The following NDUFV2 variants were observed in gnomAD, a reference collection of about 807,000 sequenced individuals.
The protein encoded by NDUFV2 is NADH dehydrogenase [ubiquinone] flavoprotein 2, mitochondrial.
A neutral mutation model predicts 31.6 loss-of-function variants in NDUFV2; 18 were observed. The ratio of observed to expected loss-of-function variants is 0.57; its 90% CI spans 0.39 to 0.84. The LOEUF is 0.84. Ranked by LOEUF, NDUFV2 falls within the 40% of genes least tolerant of loss-of-function variation. NDUFV2 has a pLI of 0.00. For synonymous variants in NDUFV2, 83 were observed against 99.8 expected, an observed-to-expected ratio of 0.83 and a Z score of 1.01; for missense variants, 314 against 303.6, an observed-to-expected ratio of 1.03 and a Z score of -0.26.
At chr18:9,115,000 G>A (rs1331130213) in intron 1 of NDUFV2, among the ~76,000 whole-genome samples, 1 of 152,168 alleles carries the variant, frequency 6.6e-6, no homozygotes, top group Non-Finnish European at 1.5e-5. Context: ...CAAAATGGAA[G>A]CTATTTTAAT....
chr18:9,109,858 G>C (rs2077861188), intron 1 of NDUFV2, among the ~76,000 whole-genome samples: 1 of 152,148 alleles, frequency 6.6e-6, no homozygotes, highest in Non-Finnish European at 1.5e-5. Context: ...GGCAGTCACT[G>C]TTTTGGCCTG....
chr18:9,105,404 T>G (rs567932195), intron 1 of NDUFV2, among the ~76,000 whole-genome samples: 2 of 152,338 alleles, frequency 1.3e-5, no homozygotes, highest in Non-Finnish European at 2.9e-5. Flanking sequence ...TTCTGTAAAC[T>G]GAGATAATAC....
chr18:9,107,704 T>C (rs1171003751), intron 1 of NDUFV2, among the ~76,000 whole-genome samples: 4 of 152,204 alleles, frequency 2.6e-5, no homozygotes, highest in African/African-American at 9.7e-5. Context: ...CTAAGGGAAA[T>C]CACTATGTAT....
At chr18:9,103,443 G>T (rs1003679665) in intron 1 of NDUFV2, 1 of 281,404 alleles carries the variant, frequency 3.6e-6, no homozygotes, top group Non-Finnish European at 6.5e-6. Context: ...GGTAGGCAAG[G>T]AAATTGAATT....
intron 7 of NDUFV2, among the ~76,000 whole-genome samples, chr18:9,130,054 T>C (rs1482934404): frequency 6.6e-6 from 1 of 152,118 alleles, no homozygotes; most frequent in Admixed American, 6.5e-5. Context: ...TTAGACATAG[T>C]AAGTTTGAGA....
At chr18:9,113,962 A>G (rs542278441) in intron 1 of NDUFV2, among the ~76,000 whole-genome samples, 5 of 152,190 alleles carry the variant, frequency 3.3e-5, no homozygotes, top group African/African-American at 7.2e-5. Context: ...TGGGAGTGAC[A>G]TGGAACAGCC....
intron 1 of NDUFV2, among the ~76,000 whole-genome samples, chr18:9,116,070 CTG>C (rs2077896375): frequency 6.6e-6 from 1 of 152,284 alleles, no homozygotes; most frequent in East Asian, 1.9e-4. Context: ...AGTTTGAATT[CTG>C]TGAAACTTTT....
intron 1 of NDUFV2, among the ~76,000 whole-genome samples, chr18:9,109,486 T>G (rs4148965): frequency 0.62 from 94,659 of 152,108 alleles, 30,678 homozygotes; most frequent in South Asian, 0.79. Context: ...GTAGTATTGT[T>G]TGAACAACAG....
intron 7 of NDUFV2, among the ~76,000 whole-genome samples, chr18:9,130,978 G>A (rs4798772): frequency 0.68 from 102,931 of 152,018 alleles, 35,304 homozygotes; most frequent in Middle Eastern, 0.8. Context: ...GACATTGATT[G>A]CTCATGCAGT....
intron 2 of NDUFV2, 99 bp from the exon 3 acceptor site, chr18:9,119,227 A>C: frequency 1.1e-6 from 1 of 942,338 alleles, no homozygotes; most frequent in Non-Finnish European, 1.7e-6. Context: ...TGGAATTAAA[A>C]TGGAGAGATT....
At chr18:9,110,960 TA>T (rs1207564706) in intron 1 of NDUFV2, among the ~76,000 whole-genome samples, 1 of 152,144 alleles carries the variant, frequency 6.6e-6, no homozygotes, top group Non-Finnish European at 1.5e-5. Flanking sequence ...TGGCAAGGAT[TA>T]AAAAAAGATT....
At chr18:9,118,526 C>T (rs1473845119) in intron 2 of NDUFV2, among the ~76,000 whole-genome samples, 1 of 152,120 alleles carries the variant, frequency 6.6e-6, no homozygotes, top group African/African-American at 2.4e-5. Context: ...AAATTGGCCA[C>T]ATATTTGAGA....
chr18:9,118,815 GTTTTTTTTT>G (rs71168030), intron 2 of NDUFV2, among the ~76,000 whole-genome samples: 3 of 76,762 alleles, frequency 3.9e-5, no homozygotes, highest in Admixed American at 1.7e-4. Flanking sequence ...AGATGGTGCT[GTTTTTTTTT>G]TTTTTTTTTT....
intron 4 of NDUFV2, 114 bp from the exon 5 acceptor site, chr18:9,122,399 C>A: frequency 2.0e-6 from 2 of 986,524 alleles, no homozygotes; most frequent in South Asian, 1.5e-5. Flanking sequence ...TCTTGAAGAA[C>A]TTTTCTGTTT....
intron 2 of NDUFV2, among the ~76,000 whole-genome samples, chr18:9,118,752 T>C (rs918550023): frequency 6.6e-6 from 1 of 151,560 alleles, no homozygotes; most frequent in Non-Finnish European, 1.5e-5. Context: ...TTCTGCTCTT[T>C]TAAGAAGAGA....
At chr18:9,106,846 G>T (rs1263973901) in intron 1 of NDUFV2, among the ~76,000 whole-genome samples, 4 of 151,850 alleles carry the variant, frequency 2.6e-5, no homozygotes, top group African/African-American at 9.7e-5. Context: ...GCTGCTCTTG[G>T]CCCCTTCTTT....
chr18:9,106,024 A>T (rs1470367284), intron 1 of NDUFV2, among the ~76,000 whole-genome samples: 1 of 152,136 alleles, frequency 6.6e-6, no homozygotes, highest in East Asian at 1.9e-4. Flanking sequence ...TATTCCTCCA[A>T]ATAGTGTGTT....
At chr18:9,117,556 C>A in intron 1 of NDUFV2, 2 of 384,168 alleles carry the variant, frequency 5.2e-6, no homozygotes, top group South Asian at 3.1e-5. Flanking sequence ...AAATGCATGC[C>A]AGCAGAGCGT....
At chr18:9,133,853 T>G (rs1449708299) in intron 7 of NDUFV2, among the ~76,000 whole-genome samples, 1 of 152,216 alleles carries the variant, frequency 6.6e-6, no homozygotes, top group African/African-American at 2.4e-5. Context: ...CCAAATTTGG[T>G]TTCTCTAACT....
Sources: gnomAD v4.1 joint callset for allele counts (sites outside exome capture counted in the v4.1 genomes callset) on GRCh38, gnomAD v4.1.1 for gene constraint, MANE v1.5 for transcripts, NCBI Gene and HGNC (gene_info 2026-07-23, HGNC 2026-07-21) for gene names.